The following HSPG2 variants were observed in gnomAD, a reference collection of about 807,000 sequenced individuals.
HSPG2 encodes the protein heparan sulfate proteoglycan 2.
A neutral mutation model predicts 526.6 loss-of-function variants in HSPG2; 278 were observed. The ratio of observed to expected loss-of-function variants is 0.53; its 90% CI spans 0.48 to 0.58. The LOEUF (loss-of-function observed/expected upper bound fraction) is 0.58. HSPG2 is among the 20% of genes least tolerant of loss of function. The pLI is 0.00. For synonymous variants in HSPG2, 2,465 were observed against 2,555.4 expected, an observed-to-expected ratio of 0.96 and a Z score of 1.07; for missense variants, 5,354 against 6,099.5, an observed-to-expected ratio of 0.88 and a Z score of 4.07.
At chr1:21,855,017 G>A (rs751121268) in intron 47 of HSPG2, 34 bp from the exon 48 acceptor site, 1 of 1,608,608 alleles carries the variant, frequency 6.2e-7, no homozygotes, top group Non-Finnish European at 8.5e-7. Context: ...CTGCCCCAGA[G>A]GCAGCTGGAC....
chr1:21,861,647 A>G, intron 39 of HSPG2, 110 bp downstream of exon 39: 1 of 992,390 alleles, frequency 1.0e-6, no homozygotes, highest in Non-Finnish European at 1.6e-6. Context: ...TGAGGCAGGG[A>G]AGGAGCATAA....
At chr1:21,902,750 G>A (rs1483406310) in intron 1 of HSPG2, among the ~76,000 whole-genome samples, 1 of 152,234 alleles carries the variant, frequency 6.6e-6, no homozygotes, top group African/African-American at 2.4e-5. Flanking sequence ...GGGCAGGTCA[G>A]GGCCTTCAGC....
chr1:21,842,737 G>A (rs746544709), intron 67 of HSPG2, 33 bp downstream of exon 67: 15 of 1,611,932 alleles, frequency 9.3e-6, no homozygotes, highest in Non-Finnish European at 1.3e-5. Flanking sequence ...AACCTTGCCT[G>A]ACCTGGAATC....
chr1:21,847,820 T>G lies in HSPG2; in HGVS notation c.7894A>C (p.Ile2632Leu), dbSNP rs1464616462. Residue 2632 changes from isoleucine to leucine, a missense_variant, in exon 61 of 97, where the codon ATC (isoleucine) becomes CTC (leucine). Physicochemically the swap from Ile to Leu is conservative, Grantham distance 5. Coordinates refer to ENST00000374695, the MANE Select transcript of HSPG2 (RefSeq NM_005529.7). This position sits in a 1 kb window ranked among gnomAD's most constrained non-coding sequence, Gnocchi z 4.1. ...SSHVPSVSPP[I>L]RIESSSPTVV... ...GTGGGGGAAGACGACTCGATCCTGATCGGTGGGGAGACGCTGGGCACTGGG... is the reference window on the plus strand; with the variant it reads ...GTGGGGGAAGACGACTCGATCCTGAGCGGTGGGGAGACGCTGGGCACTGGG... The G allele has an allele frequency of 6.2e-7, 1 of 1,613,816 alleles. No individual in the cohort carries two copies. The highest frequency in any genetic ancestry group is 2.2e-5 in the East Asian group (1 of 44,860).
intron 75 of HSPG2, among the ~76,000 whole-genome samples, chr1:21,836,210 G>T (rs1283246092): frequency 6.6e-6 from 1 of 152,102 alleles, no homozygotes; most frequent in Non-Finnish European, 1.5e-5. Flanking sequence ...TGTATTTCTG[G>T]CCCCAGGGCC....
chr1:21,931,246 C>T (rs6658920), intron 1 of HSPG2, among the ~76,000 whole-genome samples: 67,613 of 152,208 alleles, frequency 0.44, 18,304 homozygotes, highest in Middle Eastern at 0.65. Context: ...ATTGACACAG[C>T]CCTGACGCCA....
chr1:21,832,641 C>T, intron 80 of HSPG2, 35 bp from the exon 81 acceptor site: 1 of 1,529,462 alleles, frequency 6.5e-7, no homozygotes, highest in Non-Finnish European at 9.1e-7. Context: ...GGCCCCCTTC[C>T]AGCCACAGGC....
At chr1:21,930,419 C>A (rs1259187501) in intron 1 of HSPG2, among the ~76,000 whole-genome samples, 2 of 152,200 alleles carry the variant, frequency 1.3e-5, no homozygotes, top group African/African-American at 4.8e-5. Context: ...CCTGCACTAG[C>A]TATAACGCAA....
chr1:21,830,167 C>T, intron 85 of HSPG2, 76 bp from the exon 86 acceptor site: 1 of 1,168,834 alleles, frequency 8.6e-7, no homozygotes, highest in Non-Finnish European at 1.2e-6. Context: ...CAGAGGTCTG[C>T]CCATCACACC....
At chr1:21,838,135 CAAAAAAAAAAAA>C (rs35291473) in intron 74 of HSPG2, among the ~76,000 whole-genome samples, 1 of 75,286 alleles carries the variant, frequency 1.3e-5, no homozygotes, top group African/African-American at 5.6e-5. Flanking sequence ...GATTCTGTCT[CAAAAAAAAAAAA>C]AAAAAAAAAA....
intron 78 of HSPG2, 30 bp from the exon 79 acceptor site, chr1:21,833,644 G>T: frequency 6.2e-7 from 1 of 1,613,694 alleles, no homozygotes; most frequent in Non-Finnish European, 8.5e-7. Context: ...GAGGGCCCTG[G>T]CCTTGGCCCA....
intron 85 of HSPG2, 108 bp downstream of exon 85, chr1:21,830,874 G>C (rs375550262): frequency 8.3e-6 from 6 of 719,726 alleles, no homozygotes; most frequent in East Asian, 8.1e-5. Context: ...AGGTGAGAGT[G>C]GGGGGTGTGG....
In HSPG2 at chr1:21,887,326, G is replaced by A; in HGVS notation, c.967C>T (p.Pro323Ser). The part of the protein sequence containing the change: ...GSDELDCGPP[P>S]PCEPNEFPCG... ...GGGAACTCGTTGGGCTCACAGGGTGGCGGGGGGCCTAGGAGACCGGGCAGG... is the reference window on the plus strand; with the variant it reads ...GGGAACTCGTTGGGCTCACAGGGTGACGGGGGGCCTAGGAGACCGGGCAGG... Residue 323 changes from proline (P) to serine (S), a missense_variant, in exon 9 of 97, where the codon CCA becomes TCA. Physicochemically the swap from Pro to Ser is moderately conservative, Grantham distance 74. Transcript: ENST00000374695. The surrounding 1 kb of genome is among the most constrained non-coding windows in gnomAD (Gnocchi z 5.0). 1 of 1,614,032 alleles carries A rather than the reference G, an allele frequency of 6.2e-7. No individual in the cohort carries two copies. The highest frequency in any genetic ancestry group is 8.5e-7 in the Non-Finnish European group (1 of 1,179,954).
At position 21,852,205 on chromosome 1, in the gene HSPG2, A is replaced by T; in HGVS notation, c.6753T>A (p.Ser2251=). The change falls in exon 53 of 97, where the codon TCT becomes TCA. Residue 2251 remains serine (S), a synonymous_variant. Coordinates refer to ENST00000374695, the MANE Select transcript of HSPG2 (RefSeq NM_005529.7). ...PGPIPPVRIE[S]SSSTVAEGQT... ...GGCCCTCGGCCACTGTGGAGGATGA[A>T]GACTCGATCCTGACAGGTGGGATGG... is the stretch of plus-strand genomic sequence containing the variant. 1.9e-6 allele frequency: 3 copies of T among 1,614,080 alleles called. No homozygotes were observed. The highest frequency in any genetic ancestry group is 2.5e-6 in the Non-Finnish European group (3 of 1,180,036).
Position 21,846,166 on chromosome 1 carries a change from C to T in HSPG2, c.8406G>A (p.Leu2802=). Residue 2802 remains leucine, a synonymous_variant, in exon 64 of 97, where the codon CTG becomes CTA. Transcript: ENST00000374695. ...CGATGGTGACCAGGACTGAGGCCTC[C>T]AGGGGGCCAGAGCTGCCCATCACCC... ...VCRVMGSSGP[L]EASVLVTIEA... The T allele has an allele frequency of 6.2e-7, 1 of 1,613,126 alleles. No individual in the cohort carries two copies. Among genetic ancestry groups the T allele is most frequent in the Non-Finnish European group, 8.5e-7 (1 of 1,180,026 alleles).
Position 21,829,553 on chromosome 1 carries a change from A to C in HSPG2, c.11822T>G (p.Leu3941Arg). ...SLSGAGSYLA[L>R]PALTNTHHEL... ...GTGGTGTGTGTTGGTGAGGGCGGGC[A>C]GTGCCAGGTAGGAGCCAGCACCCGA... The change falls in exon 87 of 97, where the codon CTG becomes CGG. Residue 3941 changes from leucine (L) to arginine (R), a missense_variant. Leu to Arg is a moderately radical substitution (Grantham distance 102). Transcript: ENST00000374695. 1 of 1,611,594 alleles carries C rather than the reference A, an allele frequency of 6.2e-7. No homozygotes were observed. Among genetic ancestry groups the C allele is most frequent in the Non-Finnish European group, 8.5e-7 (1 of 1,178,824 alleles).
rs150109595 is a variant in HSPG2 at position 21,839,067 on chromosome 1, G to T, written c.9908C>A (p.Thr3303Lys). The change falls in exon 74 of 97, where the codon ACG (threonine) becomes AAG (lysine). Residue 3303 changes from threonine (T) to lysine (K), a missense_variant. By Grantham distance (78) the Thr-to-Lys change is moderately conservative (BLOSUM62 -1). Transcript: ENST00000374695. This position sits in a 1 kb window ranked among gnomAD's most constrained non-coding sequence, Gnocchi z 4.5. ...CTGCACCGAAGCGTGCTCTGGGACC[G>T]TGGTGGCATATGGTGGGCCTGAGTG... Reference protein sequence around the residue: ...LHVESPPYATTVPEHASVQAG... With the variant: ...LHVESPPYATKVPEHASVQAG... The T allele has an allele frequency of 1.9e-6, 3 of 1,588,170 alleles. No individual in the cohort carries two copies. Among genetic ancestry groups the T allele is most frequent in the Admixed American group, 3.4e-5 (2 of 59,106 alleles).
In HSPG2 at chr1:21,848,738, C is replaced by T. The variant is rs1180008548; in HGVS notation, c.7642G>A (p.Gly2548Arg). The T allele has an allele frequency of 1.2e-6, 2 of 1,613,808 alleles. No homozygotes were observed. Among genetic ancestry groups the T allele is most frequent in the East Asian group, 2.2e-5 (1 of 44,876 alleles). Residue 2548 changes from glycine to arginine, a missense_variant, in exon 59 of 97, where the codon GGA (glycine) becomes AGA (arginine). By Grantham distance (125) the Gly-to-Arg change is moderately radical (BLOSUM62 -2). Coordinates refer to ENST00000374695, the MANE Select transcript of HSPG2 (RefSeq NM_005529.7). The surrounding 1 kb of genome is among the most constrained non-coding windows in gnomAD (Gnocchi z 4.9). ...AGGCAGTTGAGGTCCAGGGTGTGTC[C>T]ATTGGCCAGGGAGGCTGAGGAGGAC... ...IESSSASLAN[G>R]HTLDLNCLVA...
At chr1:21,892,721 G>A (rs1642453448) in intron 3 of HSPG2, among the ~76,000 whole-genome samples, 1 of 152,110 alleles carries the variant, frequency 6.6e-6, no homozygotes, top group Non-Finnish European at 1.5e-5. Context: ...AACCAGGCGT[G>A]GTAGTGCATG....
Sources: gnomAD v4.1 joint callset for allele counts (sites outside exome capture counted in the v4.1 genomes callset) on GRCh38, gnomAD v4.1.1 for gene constraint, Gnocchi (gnomAD v3.1) non-coding constraint, MANE v1.5 for transcripts, NCBI Gene and HGNC (gene_info 2026-07-23, HGNC 2026-07-21) for gene names.